Variants in TRDN observed in about 807,000 individuals in gnomAD.
TRDN encodes the protein triadin.
In TRDN, 161 loss-of-function variants were observed where a neutral mutation model predicts 149.7. The ratio of observed to expected loss-of-function variants is 1.08; its 90% CI spans 0.95 to 1.23. TRDN has a LOEUF of 1.23. Ranked by LOEUF, TRDN falls within the 50% of genes most tolerant of loss-of-function variation. The probability of loss-of-function intolerance (pLI) is 0.00; values close to 1 mark genes in which losing one functional copy is unlikely to be tolerated. For synonymous variants in TRDN, 294 were observed against 250.5 expected (o/e 1.17, Z -1.64); for missense variants, 896 against 823.5 (o/e 1.09, Z -1.08).
intron 40 of TRDN, among the ~76,000 whole-genome samples, chr6:123,219,839 C>G (rs1257948157): frequency 6.6e-6 from 1 of 151,722 alleles, no homozygotes; most frequent in East Asian, 1.9e-4. Flanking sequence ...ACAAGAGGGA[C>G]AGTAGTAAAG....
At chr6:123,559,494 C>T (rs1172647105) in intron 2 of TRDN, among the ~76,000 whole-genome samples, 2 of 152,026 alleles carry the variant, frequency 1.3e-5, no homozygotes, top group African/African-American at 4.8e-5. Flanking sequence ...TTGCGTGCTC[C>T]TCTTGTATTC....
intron 12 of TRDN, among the ~76,000 whole-genome samples, chr6:123,427,924 T>C (rs901889764): frequency 3.9e-5 from 6 of 152,206 alleles, no homozygotes; most frequent in Non-Finnish European, 1.5e-5. Context: ...CACTGCTTTA[T>C]TCTATGTTGG....
intron 9 of TRDN, among the ~76,000 whole-genome samples, chr6:123,488,179 G>C (rs945768018): frequency 2.0e-5 from 3 of 152,000 alleles, no homozygotes; most frequent in Non-Finnish European, 4.4e-5. Flanking sequence ...CTCCACACTT[G>C]ATTATCTAGC....
intron 27 of TRDN, among the ~76,000 whole-genome samples, chr6:123,273,837 G>GT (rs1026183302): frequency 1.3e-5 from 2 of 151,886 alleles, no homozygotes; most frequent in African/African-American, 4.8e-5. Flanking sequence ...GAGCCTGAGG[G>GT]TTTTTTTGAA....
rs532496819 is a variant in TRDN at position 123,291,842 on chromosome 6, T to C, written c.1511-12760A>G. 2.0e-5 allele frequency among the ~76,000 whole-genome samples: 3 copies of C among 152,280 alleles called. No individual in the cohort carries two copies. In the South Asian group the frequency reaches 6.2e-4, roughly 32 times the overall value. Reference sequence around the variant, plus strand: ...ATATTTCTTTTGAAAGCTATGCAGATCCATGTAACTCTCTCCTTCAGCTTT... The same window carrying C: ...ATATTTCTTTTGAAAGCTATGCAGACCCATGTAACTCTCTCCTTCAGCTTT... On this transcript the variant is annotated intron_variant, in intron 24 of 40. Coordinates refer to ENST00000334268, the MANE Select transcript of TRDN (RefSeq NM_006073.4).
chr6:123,483,514 A>C (rs939430215), intron 9 of TRDN, among the ~76,000 whole-genome samples: 2 of 152,188 alleles, frequency 1.3e-5, no homozygotes, highest in African/African-American at 2.4e-5. Context: ...ATTGCAAGCA[A>C]TTAATAATAA....
rs372336879 is a variant in TRDN, at chr6:123,603,025, T to A, written c.23-31893A>T. The stretch of plus-strand genomic sequence containing the variant: ...TTGGATGTATTATTTAATCTAACAT[T>A]AGTTCTCACTTAAATTTCAGATATT... On this transcript the variant is annotated intron_variant, in intron 1 of 40. Coordinates refer to ENST00000334268, the MANE Select transcript of TRDN (RefSeq NM_006073.4). Among the ~76,000 whole-genome samples, 39 of 152,300 alleles carry A rather than the reference T, an allele frequency of 2.6e-4. No individual in the cohort carries two copies. The East Asian group carries it at 7.1e-3, about 28-fold the overall frequency.
At chr6:123,556,031 T>C (rs1237268320) in intron 2 of TRDN, among the ~76,000 whole-genome samples, 1 of 152,170 alleles carries the variant, frequency 6.6e-6, no homozygotes, top group Non-Finnish European at 1.5e-5. Flanking sequence ...TTTAACACTT[T>C]AGCAGGATAT....
intron 1 of TRDN, among the ~76,000 whole-genome samples, chr6:123,587,119 A>G (rs1288750401): frequency 6.6e-6 from 1 of 151,620 alleles, no homozygotes; most frequent in Admixed American, 6.6e-5. Flanking sequence ...CACAGAGAGA[A>G]GGGGTTGGGG....
intron 8 of TRDN, chr6:123,502,463 TA>T (rs1417239430): frequency 3.9e-6 from 3 of 765,494 alleles, no homozygotes; most frequent in African/African-American, 1.9e-5. Context: ...TGTAGATCAC[TA>T]AAAAAAGAAA....
intron 8 of TRDN, among the ~76,000 whole-genome samples, chr6:123,497,874 A>G (rs1256736706): frequency 6.6e-6 from 1 of 152,190 alleles, no homozygotes; most frequent in Non-Finnish European, 1.5e-5. Flanking sequence ...TCTTAAGATC[A>G]TCTTATGATC....
At chr6:123,291,869 T>C (rs1365458978) in intron 24 of TRDN, among the ~76,000 whole-genome samples, 6 of 152,208 alleles carry the variant, frequency 3.9e-5, no homozygotes, top group Admixed American at 3.9e-4. Flanking sequence ...TTCAGCTTTT[T>C]TGTCAGCTCC....
chr6:123,347,127 T>C (rs1194618968), intron 21 of TRDN, among the ~76,000 whole-genome samples: 1 of 152,042 alleles, frequency 6.6e-6, no homozygotes, highest in Non-Finnish European at 1.5e-5. Flanking sequence ...TGTTACCCTC[T>C]AAGGAATTTA....
intron 21 of TRDN, among the ~76,000 whole-genome samples, chr6:123,346,282 G>T (rs147666335): frequency 3.7e-4 from 56 of 152,076 alleles, no homozygotes; most frequent in African/African-American, 1.3e-3. Context: ...ACTATTCATA[G>T]GGTCATGTGT....
At chr6:123,570,275 C>T (rs1782496348) in intron 2 of TRDN, among the ~76,000 whole-genome samples, 1 of 152,176 alleles carries the variant, frequency 6.6e-6, no homozygotes, top group Non-Finnish European at 1.5e-5. Context: ...CAGCACTTGG[C>T]TGATTCCTTT....
intron 2 of TRDN, among the ~76,000 whole-genome samples, chr6:123,558,297 T>C (rs1338972624): frequency 6.6e-6 from 1 of 151,908 alleles, no homozygotes; most frequent in African/African-American, 2.4e-5. Flanking sequence ...AGGCTGCTCA[T>C]CGCCAGGCTG....
At chr6:123,286,374 C>T (rs538708846) in intron 24 of TRDN, among the ~76,000 whole-genome samples, 38 of 152,210 alleles carry the variant, frequency 2.5e-4, no homozygotes, top group African/African-American at 8.7e-4. Flanking sequence ...ATGACATTCA[C>T]AGCAACCTGG....
chr6:123,433,916 A>G (rs1390709576), intron 12 of TRDN: 2 of 152,176 alleles, frequency 1.3e-5, no homozygotes, highest in African/African-American at 2.4e-5. Flanking sequence ...TAATTGTTCA[A>G]ATATTATAAT....
chr6:123,265,447 A>C (rs895570196), intron 32 of TRDN, 109 bp from the exon 33 acceptor site: 5 of 649,888 alleles, frequency 7.7e-6, no homozygotes, highest in African/African-American at 1.9e-5. Flanking sequence ...TAAAAATAAG[A>C]CTAAACTTAT....
Sources: gnomAD v4.1 joint callset for allele counts (sites outside exome capture counted in the v4.1 genomes callset) on GRCh38, gnomAD v4.1.1 for gene constraint, MANE v1.5 for transcripts, NCBI Gene and HGNC (gene_info 2026-07-23, HGNC 2026-07-21) for gene names.